FBXW7: variants seen among roughly 807,000 people sequenced by gnomAD.
FBXW7 encodes the protein F-box/WD repeat-containing protein 7.
In FBXW7, 11 loss-of-function variants were observed where a neutral mutation model predicts 86.3. That is an observed-to-expected ratio of 0.13 (90% confidence interval 0.08 to 0.21). The LOEUF is 0.21. Among genes scored for constraint, FBXW7 ranks in the 10% least tolerant of loss-of-function variants. The pLI is 1.00. For missense variants in FBXW7, 488 were observed against 847.4 expected (o/e 0.58, Z 5.27); for synonymous variants, 313 against 297.9 (o/e 1.05, Z -0.52).
intron 2 of FBXW7, among the ~76,000 whole-genome samples, chr4:152,462,397 C>G (rs189361088): frequency 6.6e-6 from 1 of 152,360 alleles, no homozygotes; most frequent in East Asian, 1.9e-4. Flanking sequence ...GCTCTTGTTT[C>G]TGCCTGTTTT....
At chr4:152,523,801 T>G (rs920649625) in intron 2 of FBXW7, among the ~76,000 whole-genome samples, 13 of 152,186 alleles carry the variant, frequency 8.5e-5, no homozygotes, top group African/African-American at 3.1e-4. Flanking sequence ...ATTTCCTGAG[T>G]GACACATCAT....
intron 2 of FBXW7, among the ~76,000 whole-genome samples, chr4:152,492,750 G>A (rs937961450): frequency 3.9e-5 from 6 of 152,126 alleles, no homozygotes; most frequent in African/African-American, 7.2e-5. Context: ...CCAAGAGGCC[G>A]TGCTTTGCTA....
intron 2 of FBXW7, among the ~76,000 whole-genome samples, chr4:152,514,251 G>A (rs1332511689): frequency 6.6e-6 from 1 of 152,096 alleles, no homozygotes; most frequent in East Asian, 1.9e-4. Context: ...TTCCCTTGGG[G>A]TTCCCTTTCT....
At chr4:152,341,134 A>G (rs1376262710) in intron 6 of FBXW7, among the ~76,000 whole-genome samples, 3 of 152,160 alleles carry the variant, frequency 2.0e-5, no homozygotes, top group Non-Finnish European at 2.9e-5. Flanking sequence ...TATTCTCCAC[A>G]CTGTACTCAG....
intron 4 of FBXW7, among the ~76,000 whole-genome samples, chr4:152,374,681 A>C (rs571974327): frequency 6.6e-6 from 1 of 152,244 alleles, no homozygotes; most frequent in Non-Finnish European, 1.5e-5. Flanking sequence ...ATATCTATAC[A>C]AAGTTGTCAT....
chr4:152,418,515 CT>C (rs1738655453), intron 2 of FBXW7, among the ~76,000 whole-genome samples: 1 of 152,104 alleles, frequency 6.6e-6, no homozygotes, highest in Admixed American at 6.5e-5. Flanking sequence ...AGAAAAAAAA[CT>C]GAACAGATTT....
At chr4:152,533,945 T>C (rs1328411737) in intron 2 of FBXW7, among the ~76,000 whole-genome samples, 4 of 152,214 alleles carry the variant, frequency 2.6e-5, no homozygotes, top group Admixed American at 1.3e-4. Context: ...GAGCCCACAG[T>C]TGTCTAGACG....
intron 2 of FBXW7, among the ~76,000 whole-genome samples, chr4:152,450,966 G>A (rs776334206): frequency 1.8e-4 from 28 of 152,104 alleles, no homozygotes; most frequent in Non-Finnish European, 3.8e-4. Flanking sequence ...TTATAACTTA[G>A]AGTATAAGCA....
intron 2 of FBXW7, among the ~76,000 whole-genome samples, chr4:152,500,727 G>A (rs571765668): frequency 6.6e-6 from 1 of 152,166 alleles, no homozygotes; most frequent in East Asian, 1.9e-4. Flanking sequence ...GAGACTCAGA[G>A]TTTGGAGACT....
chr4:152,462,917 CTTT>C (rs534922461), intron 2 of FBXW7, among the ~76,000 whole-genome samples: 7 of 127,022 alleles, frequency 5.5e-5, no homozygotes, highest in Admixed American at 8.0e-5. Context: ...CACTTCCAGT[CTTT>C]TTTTTTTTTT....
At chr4:152,411,971 CA>C (rs1328186619) in intron 3 of FBXW7, 99 bp from the exon 4 acceptor site, 8 of 1,143,372 alleles carry the variant, frequency 7.0e-6, no homozygotes, top group Non-Finnish European at 9.4e-6. Context: ...TTAATGATTG[CA>C]AAAAAGTATT....
intron 4 of FBXW7, among the ~76,000 whole-genome samples, chr4:152,408,159 T>C (rs1270438946): frequency 3.9e-5 from 6 of 152,170 alleles, no homozygotes; most frequent in Admixed American, 3.3e-4. Flanking sequence ...GCCACTAAGA[T>C]AGATATGGAA....
At chr4:152,334,981 C>T (rs6535846) in intron 7 of FBXW7, among the ~76,000 whole-genome samples, 146,275 of 152,284 alleles carry the variant, frequency 0.96, 70,526 homozygotes, top group East Asian at 1. Flanking sequence ...AGCACAAATA[C>T]GCTGTCAACA....
At chr4:152,346,725 T>C (rs1369319200) in intron 6 of FBXW7, 10 of 567,272 alleles carry the variant, frequency 1.8e-5, no homozygotes, top group South Asian at 5.2e-5. Context: ...TCTGTCTCTA[T>C]GGATTTGCCT....
chr4:152,332,639 C>T lies in FBXW7; in HGVS notation c.942G>A (p.Leu314=), dbSNP rs774555736. 3.7e-6 allele frequency: 6 copies of T among 1,606,586 alleles called. No homozygotes were observed. In the Admixed American group the frequency reaches 1.0e-4, roughly 27 times the overall value. The stretch of plus-strand genomic sequence containing the variant: ...CTCTCCAGAGAAGGTTGTCTTCAGC[C>T]AAAATTCTCCAGTAGCGACATGTCT... ...AAQTCRYWRI[L]AEDNLLWREK... The change falls in exon 8 of 14, where the codon TTG becomes TTA. Residue 314 remains leucine, a synonymous_variant. Coordinates refer to ENST00000281708, the MANE Select transcript of FBXW7 (RefSeq NM_001349798.2).
chr4:152,495,859 T>C (rs991172904), intron 2 of FBXW7, among the ~76,000 whole-genome samples: 3 of 152,178 alleles, frequency 2.0e-5, no homozygotes, highest in Non-Finnish European at 2.9e-5. Context: ...CTGCATGAGG[T>C]ATCCAAGAGA....
chr4:152,476,250 A>G (rs1013796216), intron 2 of FBXW7, among the ~76,000 whole-genome samples: 1 of 152,226 alleles, frequency 6.6e-6, no homozygotes, highest in African/African-American at 2.4e-5. Flanking sequence ...TTCAACAAAT[A>G]GTGCTAGAAC....
intron 2 of FBXW7, among the ~76,000 whole-genome samples, chr4:152,458,879 G>A (rs570369253): frequency 2.6e-5 from 4 of 152,138 alleles, no homozygotes; most frequent in Non-Finnish European, 5.9e-5. Flanking sequence ...ACTTCTATGG[G>A]CCACAGGAAA....
At chr4:152,356,783 G>A (rs1027588089) in intron 4 of FBXW7, among the ~76,000 whole-genome samples, 2 of 152,150 alleles carry the variant, frequency 1.3e-5, no homozygotes, top group African/African-American at 4.8e-5. Flanking sequence ...ATATCAACTG[G>A]AATAGTATAT....
Sources: gnomAD v4.1 joint callset for allele counts (sites outside exome capture counted in the v4.1 genomes callset) on GRCh38, gnomAD v4.1.1 for gene constraint, MANE v1.5 for transcripts, NCBI Gene and HGNC (gene_info 2026-07-23, HGNC 2026-07-21) for gene names.